The following AANAT variants were observed in gnomAD, a reference collection of about 807,000 sequenced individuals.
The protein encoded by AANAT is serotonin N-acetyltransferase.
A neutral mutation model predicts 15.6 loss-of-function variants in AANAT; 11 were observed. That is an observed-to-expected ratio of 0.71 (90% CI 0.44 to 1.17). The LOEUF (loss-of-function observed/expected upper bound fraction) is 1.17. Among genes scored for constraint, AANAT ranks in the 50% most tolerant of loss-of-function variants. The pLI, the probability that AANAT is intolerant of heterozygous loss-of-function variation, is 0.00. For missense variants in AANAT, 286 were observed against 296.3 expected (o/e 0.97, Z 0.26); for synonymous variants, 139 against 131.5 (o/e 1.06, Z -0.39).
chr17:76,456,354 A>G (rs911980887), intron 1 of AANAT, among the ~76,000 whole-genome samples: 1 of 150,396 alleles, frequency 6.6e-6, no homozygotes, highest in Non-Finnish European at 1.5e-5. Flanking sequence ...AAAAAAAAGA[A>G]CATGCACAAA....
At chr17:76,460,504 T>C (rs939849691) in intron 2 of AANAT, among the ~76,000 whole-genome samples, 1 of 152,152 alleles carries the variant, frequency 6.6e-6, no homozygotes, top group African/African-American at 2.4e-5. Flanking sequence ...CTCACTATAT[T>C]GGCCGGACTG....
upstream of AANAT, among the ~76,000 whole-genome samples, chr17:76,465,280 C>T (rs192687458): frequency 5.9e-5 from 9 of 151,464 alleles, no homozygotes; most frequent in African/African-American, 1.7e-4. Flanking sequence ...ACAGTGCAAT[C>T]GGTGTCCCTG....
chr17:76,462,839 G>A (rs924308678), upstream of AANAT, among the ~76,000 whole-genome samples: 6 of 152,188 alleles, frequency 3.9e-5, no homozygotes, highest in Admixed American at 6.5e-5. Flanking sequence ...CTGAAGAGAG[G>A]GCTATGCTTC....
chr17:76,468,702 A>G lies in AANAT; in HGVS notation c.-45A>G, dbSNP rs1157960668. 2.5e-6 allele frequency: 4 copies of G among 1,578,624 alleles called. No individual in the cohort carries two copies. Among genetic ancestry groups the G allele is most frequent in the South Asian group, 1.1e-5 (1 of 87,274 alleles). ...GGGAGGCCCTCCTTGGCTTAGGAGG[A>G]CACTTCCAAAGCTGGGGCGCCCCAA... On this transcript the variant is annotated 5_prime_UTR_variant, in exon 2 of 4. Transcript: ENST00000392492.
chr17:76,467,768 C>A, intron 1 of AANAT, 41 bp downstream of exon 1: 1 of 971,594 alleles, frequency 1.0e-6, no homozygotes. Context: ...CCTTTAGGAA[C>A]AGGAGCTTCT....
At chr17:76,468,033 C>G (rs1010048882) in intron 1 of AANAT, among the ~76,000 whole-genome samples, 1 of 152,082 alleles carries the variant, frequency 6.6e-6, no homozygotes, top group African/African-American at 2.4e-5. Context: ...ACCTCCCCAC[C>G]CCCCACCACA....
chr17:76,463,793 G>A (rs1567864951), upstream of AANAT, among the ~76,000 whole-genome samples: 1 of 152,114 alleles, frequency 6.6e-6, no homozygotes, highest in Non-Finnish European at 1.5e-5. Flanking sequence ...GCTAACAGTG[G>A]ACATCCCAAA....
chr17:76,469,247 C>G lies in AANAT; in HGVS notation c.238C>G (p.Leu80Val), dbSNP rs1215969911. 1 of 1,614,094 alleles carries G rather than the reference C, an allele frequency of 6.2e-7. No homozygotes were observed. The highest frequency in any genetic ancestry group is 1.3e-5 in the African/African-American group (1 of 74,938). ...IRHFLTLCPELSLGWFEEGCL... is the reference protein window; with the variant it reads ...IRHFLTLCPEVSLGWFEEGCL... ...GCACTTCCTGACCCTATGTCCAGAG[C>G]TGTCCCTGGGCTGGTTCGAGGAGGG... Residue 80 changes from leucine to valine, a missense_variant, in exon 3 of 4, where the codon CTG (leucine) becomes GTG (valine). Physicochemically the swap from Leu to Val is conservative, Grantham distance 32. Coordinates refer to ENST00000392492, the MANE Select transcript of AANAT (RefSeq NM_001088.3). This position sits in a 1 kb window ranked among gnomAD's most constrained non-coding sequence, Gnocchi z 5.2.
chr17:76,466,419 G>T (rs1165699949), upstream of AANAT, among the ~76,000 whole-genome samples: 1 of 152,106 alleles, frequency 6.6e-6, no homozygotes, highest in African/African-American at 2.4e-5. Context: ...GTGGGCGGGG[G>T]CATCGGGACG....
intron 2 of AANAT, chr17:76,459,469 C>G (rs2073367596): frequency 6.6e-6 from 1 of 152,250 alleles, no homozygotes; most frequent in African/African-American, 2.4e-5. Context: ...AGCTGGCCAC[C>G]TGAGGGTCAG....
At chr17:76,463,029 C>T (rs1323196846), upstream of AANAT, among the ~76,000 whole-genome samples, 1 of 152,146 alleles carries the variant, frequency 6.6e-6, no homozygotes, top group Non-Finnish European at 1.5e-5. Context: ...TGTCTCCATG[C>T]GGGAAGCTCC....
chr17:76,460,130 A>ATTTTTTTTTTTTTTTTTTTTT (rs556197358), intron 2 of AANAT, among the ~76,000 whole-genome samples: 1 of 88,002 alleles, frequency 1.1e-5, no homozygotes, highest in Non-Finnish European at 2.0e-5. Context: ...ACTTCAGGAA[A>ATTTTTTTTTTTTTTTTTTTTT]TTTTTTTTTT....
At chr17:76,466,642 C>T (rs1174371752), upstream of AANAT, among the ~76,000 whole-genome samples, 1 of 152,234 alleles carries the variant, frequency 6.6e-6, no homozygotes, top group African/African-American at 2.4e-5. Flanking sequence ...GGCTTTGCCC[C>T]TCCCCCTTCA....
At chr17:76,467,548 C>G, upstream of AANAT, 2 of 985,490 alleles carry the variant, frequency 2.0e-6, no homozygotes, top group Non-Finnish European at 2.4e-6. Context: ...TGGGATAGCT[C>G]GAGAGGTGGG....
At chr17:76,454,296 G>A (rs2073315013) in intron 1 of AANAT, among the ~76,000 whole-genome samples, 1 of 149,506 alleles carries the variant, frequency 6.7e-6, no homozygotes, top group Admixed American at 6.7e-5. Flanking sequence ...CCAACATGGC[G>A]AAACCCCATC....
At chr17:76,465,450 C>T (rs995872673), upstream of AANAT, among the ~76,000 whole-genome samples, 3 of 151,818 alleles carry the variant, frequency 2.0e-5, no homozygotes, top group East Asian at 1.9e-4. Flanking sequence ...ATCTTCCCAC[C>T]TCAGCCTCCC....
At chr17:76,464,324 A>G (rs547361854), upstream of AANAT, among the ~76,000 whole-genome samples, 1 of 151,162 alleles carries the variant, frequency 6.6e-6, no homozygotes, top group East Asian at 2.0e-4. Flanking sequence ...CCTGGGCCAC[A>G]GAGCAAGACT....
At position 76,469,402 on chromosome 17, in the gene AANAT, A is replaced by T. The variant is rs2073487809; in HGVS notation, c.318+75A>T. 6.3e-7 allele frequency: 1 copy of T among 1,580,180 alleles called. No homozygotes were observed. Among genetic ancestry groups the T allele is most frequent in the East Asian group, 2.2e-5 (1 of 44,664 alleles). On this transcript the variant is annotated intron_variant, in intron 3 of 3. Transcript: ENST00000392492. This position sits in a 1 kb window ranked among gnomAD's most constrained non-coding sequence, Gnocchi z 5.2. ...AGGTCAGCCAGATGGCGGGGAGGGG[A>T]GCCCAGGGGCTGGGATTTCTTCCTC...
intron 1 of AANAT, 185 bp from the exon 2 acceptor site, chr17:76,468,487 A>G (rs1366960011): frequency 1.7e-6 from 1 of 600,274 alleles, no homozygotes. Flanking sequence ...AAAGGTGGGG[A>G]GACAGTGCCA....
Sources: allele counts gnomAD v4.1 joint callset (sites outside exome capture counted in the v4.1 genomes callset), GRCh38; gene constraint gnomAD v4.1.1; non-coding constraint Gnocchi (gnomAD v3.1); transcripts MANE v1.5; gene names NCBI Gene and HGNC (gene_info 2026-07-23, HGNC 2026-07-21).